The following SMPD4 variants were observed in gnomAD, a reference collection of about 807,000 sequenced individuals.
The protein encoded by SMPD4 is neutral sphingomyelinase 3.
SMPD4 carries 58 observed loss-of-function variants against 97.8 expected under a neutral mutation model. The observed-to-expected ratio is 0.59, with a 90% CI of 0.48 to 0.74. SMPD4 has a LOEUF of 0.74. SMPD4 is among the 30% of genes least tolerant of loss of function. The pLI, the probability that SMPD4 is intolerant of heterozygous loss-of-function variation, is 0.00. For synonymous variants in SMPD4, 388 were observed against 450.0 expected, an observed-to-expected ratio of 0.86 and a Z score of 1.74; for missense variants, 853 against 1,080.5, an observed-to-expected ratio of 0.79 and a Z score of 2.95.
chr2:130,166,973 T>A (rs28473698), intron 9 of SMPD4, among the ~76,000 whole-genome samples: 22,630 of 139,716 alleles, frequency 0.16, no homozygotes, highest in East Asian at 0.44. Context: ...ATCAATGACA[T>A]TCAAGTTAAA....
intron 8 of SMPD4, among the ~76,000 whole-genome samples, chr2:130,170,473 A>AAAAAAAAAAAAAAAAAAAAC: frequency 6.6e-6 from 1 of 151,080 alleles, no homozygotes; most frequent in Non-Finnish European, 1.5e-5. Flanking sequence ...AAAAAAAAAA[A>AAAAAAAAAAAAAAAAAAAAC]AGCACACAAT....
chr2:130,152,541 G>A lies in SMPD4; in HGVS notation c.*14C>T, dbSNP rs1573654310. 2 of 1,539,956 alleles carry A rather than the reference G, an allele frequency of 1.3e-6. No homozygotes were observed. Among genetic ancestry groups the A allele is most frequent in the Non-Finnish European group, 1.8e-6 (2 of 1,139,610 alleles). On this transcript the variant is annotated 3_prime_UTR_variant, in exon 20 of 20. Coordinates refer to ENST00000680298, the MANE Select transcript of SMPD4 (RefSeq NM_017951.5). ...GCAAATCCCTCCAGCCTGCTCTGAA[G>A]GCAGCTGACACCTTCAGGGCTGGTG...
chr2:130,167,372 A>C, intron 9 of SMPD4, 86 bp downstream of exon 9: 2 of 1,583,344 alleles, frequency 1.3e-6, no homozygotes, highest in South Asian at 2.2e-5. Context: ...CTGCCCACCT[A>C]GGCCTCGCAA....
In SMPD4 at chr2:130,173,529, T is replaced by G; in HGVS notation, c.254A>C (p.Glu85Ala). The G allele has an allele frequency of 1.2e-6, 2 of 1,603,896 alleles. No homozygotes were observed. Among genetic ancestry groups the G allele is most frequent in the Non-Finnish European group, 1.7e-6 (2 of 1,172,840 alleles). Residue 85 changes from glutamate (E) to alanine (A), a missense_variant, in exon 4 of 20, where the codon GAA (glutamate) becomes GCA (alanine). By Grantham distance (107) the Glu-to-Ala change is moderately radical (BLOSUM62 -1). This residue lies in a region of SMPD4 where 313 missense variants were observed against 402.2 expected (regional missense o/e 0.78). Transcript: ENST00000680298. ...ACCTACCTACCCAGGGTCGAGAAAT[T>G]CCATCACGATGCTGTACTCCACAGG... ...VNPVEYSIVM[E>A]FLDPGGPMMK...
intron 11 of SMPD4, chr2:130,158,176 C>T (rs568638949): frequency 4.7e-5 from 60 of 1,270,074 alleles, no homozygotes; most frequent in Non-Finnish European, 6.0e-5. Context: ...CTCCCCAATT[C>T]CTCCCACCTG....
rs941512762 is a variant in SMPD4 at position 130,175,076 on chromosome 2, A to C, written c.40-76T>G. 3 of 1,061,658 alleles carry C rather than the reference A, an allele frequency of 2.8e-6. No individual in the cohort carries two copies. The African/African-American group carries it at 4.7e-5, about 17-fold the overall frequency. The allele number at this position is 1,061,658 out of a possible 1,614,324, so 65.8% of individuals were successfully genotyped here. On this transcript the variant is annotated intron_variant, in intron 2 of 19. Transcript: ENST00000680298. The stretch of plus-strand genomic sequence containing the variant: ...TTTTAGTGGCACTCTGGCTTGAGTC[A>C]AACAGAAATCCAAGCAATAGGTTAT...
intron 9 of SMPD4, 50 bp downstream of exon 9, chr2:130,167,408 C>T (rs768682647): frequency 1.9e-6 from 3 of 1,610,778 alleles, no homozygotes; most frequent in South Asian, 2.2e-5. Flanking sequence ...AGGCACGAGC[C>T]ACCATGCCCA....
chr2:130,178,638 T>C (rs1175815309), intron 1 of SMPD4, among the ~76,000 whole-genome samples: 1 of 151,666 alleles, frequency 6.6e-6, no homozygotes, highest in African/African-American at 2.4e-5. Context: ...CTACTAAAAA[T>C]ATAAAAATTA....
intron 11 of SMPD4, among the ~76,000 whole-genome samples, chr2:130,160,599 C>G (rs1160515199): frequency 6.6e-6 from 1 of 152,212 alleles, no homozygotes; most frequent in East Asian, 1.9e-4. Context: ...CCAGGGCTCC[C>G]CAGGTGAAGG....
At chr2:130,155,478 C>A (rs1686688860) in intron 14 of SMPD4, among the ~76,000 whole-genome samples, 1 of 152,140 alleles carries the variant, frequency 6.6e-6, no homozygotes, top group Non-Finnish European at 1.5e-5. Context: ...ATGCCACATC[C>A]TTAGCAAGGC....
At position 130,152,456 on chromosome 2, in the gene SMPD4, A is replaced by G. The variant is rs1357794863; in HGVS notation, c.*99T>C. ...ACCCCGCTCCAGAAGCCCGAGGATG[A>G]CCGTGTTCCCTCCTGGAGGGGCTTC... On this transcript the variant is annotated 3_prime_UTR_variant, in exon 20 of 20. Coordinates refer to ENST00000680298, the MANE Select transcript of SMPD4 (RefSeq NM_017951.5). 4 of 1,289,912 alleles carry G rather than the reference A, an allele frequency of 3.1e-6. No individual in the cohort carries two copies. Among genetic ancestry groups the G allele is most frequent in the Admixed American group, 2.7e-5 (1 of 36,494 alleles). The allele number at this position is 1,289,912 out of a possible 1,614,324, so 79.9% of individuals were successfully genotyped here.
chr2:130,170,360 AC>A (rs762414930), intron 8 of SMPD4, among the ~76,000 whole-genome samples: 7 of 149,368 alleles, frequency 4.7e-5, no homozygotes, highest in Non-Finnish European at 1.0e-4. Context: ...GGTGACAGGC[AC>A]CTGTAGTCCC....
chr2:130,156,268 G>A, intron 13 of SMPD4, 133 bp from the exon 14 acceptor site: 5 of 794,764 alleles, frequency 6.3e-6, no homozygotes, highest in Non-Finnish European at 1.0e-5. Context: ...GGAGAGACAT[G>A]CACAGCCCTG....
chr2:130,179,789 G>C (rs972050574), intron 1 of SMPD4, among the ~76,000 whole-genome samples: 2 of 151,990 alleles, frequency 1.3e-5, no homozygotes, highest in Non-Finnish European at 2.9e-5. Context: ...CGAGTAGCTG[G>C]AATTACAGGC....
chr2:130,165,341 G>A (rs536694152), intron 9 of SMPD4, among the ~76,000 whole-genome samples: 9 of 151,484 alleles, frequency 5.9e-5, no homozygotes, highest in African/African-American at 1.2e-4. Context: ...CAGGAGAATC[G>A]CTTGAACCCA....
At chr2:130,177,406 T>C (rs1348385617) in intron 1 of SMPD4, among the ~76,000 whole-genome samples, 1 of 152,056 alleles carries the variant, frequency 6.6e-6, no homozygotes, top group African/African-American at 2.4e-5. Flanking sequence ...TTTATAGAAA[T>C]GCTGTTCTCA....
intron 8 of SMPD4, among the ~76,000 whole-genome samples, chr2:130,170,539 G>A (rs1044720534): frequency 1.3e-5 from 2 of 151,534 alleles, no homozygotes; most frequent in Non-Finnish European, 2.9e-5. Flanking sequence ...GCTAAGGCAG[G>A]AGGATCGCTC....
chr2:130,178,357 T>C (rs1689167097), intron 1 of SMPD4, among the ~76,000 whole-genome samples: 1 of 152,174 alleles, frequency 6.6e-6, no homozygotes, highest in Non-Finnish European at 1.5e-5. Flanking sequence ...AGCTAGTAAG[T>C]GGCAGAACCA....
intron 1 of SMPD4, among the ~76,000 whole-genome samples, chr2:130,178,283 G>A (rs1653455293): frequency 6.6e-6 from 1 of 152,178 alleles, no homozygotes; most frequent in Non-Finnish European, 1.5e-5. Context: ...GATGTACTAT[G>A]ACTGCAGGTC....
Sources: gnomAD v4.1 joint callset for allele counts (sites outside exome capture counted in the v4.1 genomes callset) on GRCh38, gnomAD v4.1.1 for gene constraint, gnomAD v4.1.1 regional missense constraint, MANE v1.5 for transcripts, NCBI Gene and HGNC (gene_info 2026-07-23, HGNC 2026-07-21) for gene names.